Variants in EYA1 observed in about 807,000 individuals in gnomAD.
EYA1 encodes the protein protein phosphatase EYA1.
EYA1 carries 16 observed loss-of-function variants against 82.0 expected under a neutral mutation model. The ratio of observed to expected loss-of-function variants is 0.20; its 90% CI spans 0.13 to 0.30. The LOEUF (loss-of-function observed/expected upper bound fraction) is 0.30. Among genes scored for constraint, EYA1 ranks in the 10% least tolerant of loss-of-function variants. The pLI is 1.00. For missense variants in EYA1, 633 were observed against 730.7 expected (o/e 0.87, Z 1.54); for synonymous variants, 261 against 264.4 (o/e 0.99, Z 0.12).
intron 2 of EYA1, among the ~76,000 whole-genome samples, chr8:71,371,521 C>T (rs1196056209): frequency 1.3e-5 from 2 of 152,120 alleles, no homozygotes; most frequent in Non-Finnish European, 2.9e-5. Flanking sequence ...GGCAACAAGT[C>T]ATTTAACTAA....
intron 2 of EYA1, among the ~76,000 whole-genome samples, chr8:71,450,056 T>A (rs1263224999): frequency 6.6e-6 from 1 of 152,226 alleles, no homozygotes; most frequent in Non-Finnish European, 1.5e-5. Flanking sequence ...AAGGGAATGT[T>A]GTAGCTAGTT....
intron 1 of EYA1, among the ~76,000 whole-genome samples, chr8:71,360,499 C>A (rs983392213): frequency 3.3e-5 from 5 of 152,150 alleles, no homozygotes; most frequent in Non-Finnish European, 7.3e-5. Context: ...CTCAATTAGG[C>A]CTCTATGTCT....
At chr8:71,522,277 T>C (rs1407894465) in intron 2 of EYA1, among the ~76,000 whole-genome samples, 2 of 152,210 alleles carry the variant, frequency 1.3e-5, no homozygotes, top group Non-Finnish European at 2.9e-5. Context: ...TAATAAATCA[T>C]GAATTCACTA....
intron 2 of EYA1, among the ~76,000 whole-genome samples, chr8:71,517,157 A>G (rs1481606014): frequency 6.6e-6 from 1 of 151,796 alleles, no homozygotes; most frequent in Admixed American, 6.6e-5. Flanking sequence ...GTCACCTCAC[A>G]TATTGGCTTC....
chr8:71,323,651 A>T (rs987302825), intron 4 of EYA1, among the ~76,000 whole-genome samples: 1 of 152,202 alleles, frequency 6.6e-6, no homozygotes, highest in African/African-American at 2.4e-5. Flanking sequence ...TACTGAAGAG[A>T]TGGCAAGCCG....
At chr8:71,417,285 C>G (rs1830905009) in intron 2 of EYA1, among the ~76,000 whole-genome samples, 1 of 152,180 alleles carries the variant, frequency 6.6e-6, no homozygotes, top group African/African-American at 2.4e-5. Context: ...ACAAATACAA[C>G]CCCTAATTTT....
chr8:71,376,850 T>A (rs945662648), intron 2 of EYA1, among the ~76,000 whole-genome samples: 1 of 152,160 alleles, frequency 6.6e-6, no homozygotes, highest in African/African-American at 2.4e-5. Context: ...TTTTCATCAC[T>A]ATCTTGTCAA....
In EYA1 at chr8:71,380,292, C is replaced by T. The variant is rs531951241; in HGVS notation, c.34-23781G>A. Among the ~76,000 whole-genome samples, 53 of 152,308 alleles carry T rather than the reference C, an allele frequency of 3.5e-4. 1 individual carries two copies. The South Asian group carries it at 0.01, about 30-fold the overall frequency. On this transcript the variant is annotated intron_variant, in intron 2 of 18. Coordinates refer to the EYA1 transcript ENST00000643681. ...GGATTGGCTTGAACCTATGTGCCCACGGCTCTTGCTACCAGGTGAATGGGC... is the reference window on the plus strand; with the variant it reads ...GGATTGGCTTGAACCTATGTGCCCATGGCTCTTGCTACCAGGTGAATGGGC...
intron 17 of EYA1, chr8:71,200,209 A>C (rs1165121853): frequency 6.6e-6 from 1 of 152,158 alleles, no homozygotes; most frequent in Non-Finnish European, 1.5e-5. Flanking sequence ...GGAGAACAAA[A>C]TTCTGTTTGT....
At chr8:71,263,022 T>A (rs1261463699) in intron 11 of EYA1, among the ~76,000 whole-genome samples, 1 of 152,240 alleles carries the variant, frequency 6.6e-6, no homozygotes, top group Non-Finnish European at 1.5e-5. Context: ...TCACATAGCC[T>A]GGGGCTTGGC....
intron 4 of EYA1, among the ~76,000 whole-genome samples, chr8:71,333,116 C>T (rs976735428): frequency 1.2e-4 from 19 of 152,134 alleles, no homozygotes; most frequent in African/African-American, 4.3e-4. Flanking sequence ...TTTTCATACA[C>T]CTATGAAGTC....
At chr8:71,460,271 T>C (rs891886085) in intron 2 of EYA1, among the ~76,000 whole-genome samples, 1 of 152,192 alleles carries the variant, frequency 6.6e-6, no homozygotes, top group African/African-American at 2.4e-5. Context: ...AAGAAAAATT[T>C]CAACATCCAT....
At position 71,538,564 on chromosome 8, in the gene EYA1, T is replaced by C. The variant is rs539823062; in HGVS notation, c.-72-2716A>G. On this transcript the variant is annotated intron_variant, in intron 1 of 18. Transcript: ENST00000643681. ...GGCTTAAGCAAAACTGGTGACTTGA[T>C]GTTTACCTATCCACCTACTTGCCTG... 9.8e-5 allele frequency among the ~76,000 whole-genome samples: 15 copies of C among 152,332 alleles called. No individual in the cohort carries two copies. The East Asian group carries it at 2.1e-3, about 22-fold the overall frequency.
intron 3 of EYA1, among the ~76,000 whole-genome samples, chr8:71,340,698 T>C (rs1825023328): frequency 6.6e-6 from 1 of 152,180 alleles, no homozygotes; most frequent in Non-Finnish European, 1.5e-5. Context: ...CATTTTATAT[T>C]GGAAAGTCTT....
chr8:71,438,990 C>T (rs1422115610), intron 2 of EYA1, among the ~76,000 whole-genome samples: 1 of 151,906 alleles, frequency 6.6e-6, no homozygotes, highest in Non-Finnish European at 1.5e-5. Context: ...TCAGGTTACA[C>T]CAGAACTTGA....
chr8:71,199,489 A>C, intron 17 of EYA1, 69 bp from the exon 18 acceptor site: 1 of 986,764 alleles, frequency 1.0e-6, no homozygotes, highest in Non-Finnish European at 1.6e-6. Flanking sequence ...TTTTTTGGAA[A>C]TCCACTCCCA....
At chr8:71,462,305 G>C (rs1242622790) in intron 2 of EYA1, among the ~76,000 whole-genome samples, 1 of 152,150 alleles carries the variant, frequency 6.6e-6, no homozygotes, top group South Asian at 2.1e-4. Context: ...AGGTGGCAGG[G>C]GACTGGCGTG....
intron 2 of EYA1, among the ~76,000 whole-genome samples, chr8:71,490,430 C>T (rs996509481): frequency 2.0e-5 from 3 of 151,984 alleles, no homozygotes; most frequent in Non-Finnish European, 2.9e-5. Context: ...TGTTATCCTA[C>T]GCAATAAACA....
chr8:71,214,303 C>G (rs559782471), intron 16 of EYA1, among the ~76,000 whole-genome samples: 4 of 152,306 alleles, frequency 2.6e-5, no homozygotes, highest in African/African-American at 9.6e-5. Context: ...GCACTGCATA[C>G]TAGCTACCCA....
Sources: allele counts gnomAD v4.1 joint callset (sites outside exome capture counted in the v4.1 genomes callset), GRCh38; gene constraint gnomAD v4.1.1; transcripts MANE v1.5; gene names NCBI Gene and HGNC (gene_info 2026-07-23, HGNC 2026-07-21).